The following SCAMP1 variants were observed in gnomAD, a reference collection of about 807,000 sequenced individuals.
SCAMP1 encodes the protein secretory carrier-associated membrane protein 1.
In SCAMP1, 15 loss-of-function variants were observed where a neutral mutation model predicts 41.8. That is an observed-to-expected ratio of 0.36 (90% CI 0.24 to 0.55). The LOEUF (loss-of-function observed/expected upper bound fraction) is 0.55, where lower values mean the gene tolerates loss of function less well. Ranked by LOEUF, SCAMP1 falls within the 20% of genes least tolerant of loss-of-function variation. The probability of loss-of-function intolerance (pLI) is 0.86; values close to 1 mark genes in which losing one functional copy is unlikely to be tolerated. For missense variants in SCAMP1, 341 were observed against 412.6 expected, an observed-to-expected ratio of 0.83 and a Z score of 1.50; for synonymous variants, 135 against 136.8, an observed-to-expected ratio of 0.99 and a Z score of 0.09.
At chr5:78,365,817 A>G (rs1214436481) in intron 1 of SCAMP1, among the ~76,000 whole-genome samples, 1 of 152,222 alleles carries the variant, frequency 6.6e-6, no homozygotes, top group African/African-American at 2.4e-5. Flanking sequence ...CCTAAAATTC[A>G]GCATTCTCAC....
chr5:78,468,614 C>G (rs904683035), intron 8 of SCAMP1, among the ~76,000 whole-genome samples: 14 of 152,092 alleles, frequency 9.2e-5, no homozygotes, highest in Admixed American at 9.2e-4. Context: ...CTGTCATGTT[C>G]ACATTAAGTA....
At chr5:78,384,315 A>T (rs1222499464) in intron 1 of SCAMP1, among the ~76,000 whole-genome samples, 1 of 151,374 alleles carries the variant, frequency 6.6e-6, no homozygotes, top group Non-Finnish European at 1.5e-5. Context: ...GTTTCCTGAA[A>T]CTTTGCTGAA....
intron 2 of SCAMP1, among the ~76,000 whole-genome samples, chr5:78,411,472 T>A (rs1411788756): frequency 6.6e-6 from 1 of 152,160 alleles, no homozygotes. Flanking sequence ...TGCCCAGAAA[T>A]AATCCCTATT....
chr5:78,392,652 C>T (rs1005786458), intron 2 of SCAMP1, among the ~76,000 whole-genome samples: 1 of 152,134 alleles, frequency 6.6e-6, no homozygotes, highest in African/African-American at 2.4e-5. Flanking sequence ...AAACACTTCC[C>T]TTAGATTTGA....
intron 2 of SCAMP1, among the ~76,000 whole-genome samples, chr5:78,392,836 G>A (rs1202783673): frequency 2.0e-5 from 3 of 152,168 alleles, no homozygotes; most frequent in African/African-American, 7.2e-5. Context: ...ATTTTCCAAA[G>A]AGATTAGGTG....
At chr5:78,457,883 CGTG>C (rs1422540762) in intron 7 of SCAMP1, 1 of 154,062 alleles carries the variant, frequency 6.5e-6, no homozygotes, top group African/African-American at 2.4e-5. Flanking sequence ...GATATAATCT[CGTG>C]GTGCGCCATT....
chr5:78,439,141 A>G (rs943693680), intron 6 of SCAMP1, among the ~76,000 whole-genome samples: 1 of 152,046 alleles, frequency 6.6e-6, no homozygotes, highest in Non-Finnish European at 1.5e-5. Context: ...TGAATACAGC[A>G]CCCTGATGGG....
intron 1 of SCAMP1, among the ~76,000 whole-genome samples, chr5:78,387,976 G>T (rs141072948): frequency 6.6e-6 from 1 of 152,228 alleles, no homozygotes; most frequent in Non-Finnish European, 1.5e-5. Context: ...AGGATCAGGC[G>T]GTGGCAGGAC....
intron 6 of SCAMP1, among the ~76,000 whole-genome samples, chr5:78,440,104 G>C (rs1752880195): frequency 6.6e-6 from 1 of 152,082 alleles, no homozygotes; most frequent in South Asian, 2.1e-4. Context: ...TTAGCCATTC[G>C]TCTAATCCTT....
rs931158930 is a variant in SCAMP1 at position 78,477,786 on chromosome 5, T to G, written c.*2118T>G. 2 of 152,148 alleles carry G rather than the reference T, an allele frequency of 1.3e-5. No individual in the cohort carries two copies. The highest frequency in any genetic ancestry group is 4.8e-5 in the African/African-American group (2 of 41,458). The allele number at this position is 152,148 out of a possible 1,614,324, so 9.4% of individuals were successfully genotyped here. ...GAGAGAAAATTGTTTTTTAAAAATA[T>G]ATGTGCATTGAAATGATGGCAATGC... On this transcript the variant is annotated 3_prime_UTR_variant, in exon 9 of 9. Transcript: ENST00000621999.
intron 1 of SCAMP1, among the ~76,000 whole-genome samples, chr5:78,365,026 G>T (rs935874772): frequency 6.6e-6 from 1 of 152,032 alleles, no homozygotes; most frequent in Non-Finnish European, 1.5e-5. Context: ...AAAAAAGAAA[G>T]ACTCAGTTTA....
Position 78,464,472 on chromosome 5 carries a change from T to G in SCAMP1, c.852+5110T>G, listed in dbSNP as rs537594073. Among the ~76,000 whole-genome samples the G allele has an allele frequency of 4.6e-5, 7 of 152,306 alleles. No individual in the cohort carries two copies. In the East Asian group the frequency reaches 1.3e-3, roughly 29 times the overall value. On this transcript the variant is annotated intron_variant, in intron 8 of 8. Transcript: ENST00000621999. ...TTTCTTAGATACCTTTTTAGTATCTTTTCCATTTCCAACCTCAGCTAATCC... is the reference window on the plus strand; with the variant it reads ...TTTCTTAGATACCTTTTTAGTATCTGTTCCATTTCCAACCTCAGCTAATCC...
intron 6 of SCAMP1, among the ~76,000 whole-genome samples, chr5:78,432,383 G>A (rs1399658375): frequency 1.3e-5 from 2 of 151,900 alleles, no homozygotes; most frequent in Admixed American, 6.6e-5. Context: ...TGGTAGAACA[G>A]GTCTGCTAAT....
chr5:78,466,307 A>G (rs187878512), intron 8 of SCAMP1, among the ~76,000 whole-genome samples: 1 of 152,326 alleles, frequency 6.6e-6, no homozygotes, highest in East Asian at 1.9e-4. Context: ...CAATTCAGTT[A>G]TTTAATGGCC....
At chr5:78,453,160 C>G (rs1361246678) in intron 7 of SCAMP1, among the ~76,000 whole-genome samples, 4 of 151,178 alleles carry the variant, frequency 2.6e-5, no homozygotes, top group Non-Finnish European at 5.9e-5. Flanking sequence ...ATGGTAGTTT[C>G]TTTTGCTGTG....
intron 2 of SCAMP1, among the ~76,000 whole-genome samples, chr5:78,394,886 T>A (rs1356010090): frequency 6.6e-6 from 1 of 152,240 alleles, no homozygotes; most frequent in Non-Finnish European, 1.5e-5. Flanking sequence ...CCACATCCTG[T>A]CACTTATACC....
chr5:78,370,323 G>C (rs1485263423), intron 1 of SCAMP1, among the ~76,000 whole-genome samples: 1 of 152,182 alleles, frequency 6.6e-6, no homozygotes, highest in Non-Finnish European at 1.5e-5. Context: ...ACTTTCAGTG[G>C]GTGTGGGATA....
chr5:78,471,559 C>G (rs1467825997), intron 8 of SCAMP1, among the ~76,000 whole-genome samples: 1 of 152,052 alleles, frequency 6.6e-6, no homozygotes, highest in Non-Finnish European at 1.5e-5. Context: ...AGCACAGTTT[C>G]TTGAAATGGT....
At chr5:78,400,099 A>G (rs1304141046) in intron 2 of SCAMP1, among the ~76,000 whole-genome samples, 1 of 152,048 alleles carries the variant, frequency 6.6e-6, no homozygotes, top group Non-Finnish European at 1.5e-5. Flanking sequence ...ATTTTGAATT[A>G]ATTTTGCTCT....
Sources: allele counts gnomAD v4.1 joint callset (sites outside exome capture counted in the v4.1 genomes callset), GRCh38; gene constraint gnomAD v4.1.1; transcripts MANE v1.5; gene names NCBI Gene and HGNC (gene_info 2026-07-23, HGNC 2026-07-21).